AGBL4: variants seen among roughly 807,000 people sequenced by gnomAD.
AGBL4 encodes cytosolic carboxypeptidase 6.
In AGBL4, 58 loss-of-function variants were observed where a neutral mutation model predicts 66.4. The ratio of observed to expected loss-of-function variants is 0.87; its 90% CI spans 0.71 to 1.09. The LOEUF (loss-of-function observed/expected upper bound fraction) is 1.09. AGBL4 is among the 50% of genes least tolerant of loss of function. The pLI, the probability that AGBL4 is intolerant of heterozygous loss-of-function variation, is 0.00. For synonymous variants in AGBL4, 234 were observed against 222.9 expected (o/e 1.05, Z -0.44); for missense variants, 579 against 631.0 (o/e 0.92, Z 0.88).
intron 3 of AGBL4, among the ~76,000 whole-genome samples, chr1:49,372,747 T>C (rs985035716): frequency 3.3e-5 from 5 of 150,562 alleles, no homozygotes; most frequent in Non-Finnish European, 7.4e-5. Context: ...CTCTCTTCTC[T>C]CTCTCTCTCT....
chr1:48,791,560 C>T (rs1413144666), intron 6 of AGBL4, among the ~76,000 whole-genome samples: 1 of 152,180 alleles, frequency 6.6e-6, no homozygotes, highest in African/African-American at 2.4e-5. Context: ...AGAGACTTTA[C>T]TGAAACAGAG....
At chr1:49,711,487 G>C (rs1328858107) in intron 2 of AGBL4, among the ~76,000 whole-genome samples, 1 of 151,880 alleles carries the variant, frequency 6.6e-6, no homozygotes, top group East Asian at 1.9e-4. Flanking sequence ...CACAAAACAA[G>C]GTACATAATG....
At chr1:49,878,567 G>C (rs1647103309) in intron 1 of AGBL4, among the ~76,000 whole-genome samples, 1 of 152,056 alleles carries the variant, frequency 6.6e-6, no homozygotes, top group Admixed American at 6.5e-5. Flanking sequence ...GCTGAGGAGT[G>C]CTTTACCTCC....
At chr1:49,619,959 C>A (rs926039908) in intron 3 of AGBL4, among the ~76,000 whole-genome samples, 16 of 152,126 alleles carry the variant, frequency 1.1e-4, no homozygotes, top group Non-Finnish European at 1.8e-4. Context: ...ACATCTTATA[C>A]AAAAATTAAT....
chr1:49,938,162 A>T (rs1018110566), intron 1 of AGBL4, among the ~76,000 whole-genome samples: 2 of 151,642 alleles, frequency 1.3e-5, no homozygotes, highest in Non-Finnish European at 2.9e-5. Context: ...GATAAAGGGG[A>T]TATCACCACC....
intron 1 of AGBL4, among the ~76,000 whole-genome samples, chr1:49,868,259 T>A (rs1024152912): frequency 1.3e-5 from 2 of 152,058 alleles, no homozygotes; most frequent in Admixed American, 6.6e-5. Flanking sequence ...ATTCTTCACA[T>A]AATTAGAAAA....
At chr1:49,600,706 G>A (rs76526838) in intron 3 of AGBL4, among the ~76,000 whole-genome samples, 34 of 152,134 alleles carry the variant, frequency 2.2e-4, no homozygotes, top group Admixed American at 1.3e-4. Context: ...TCATAGTGTC[G>A]ATGGTCTTTA....
chr1:49,163,574 A>G (rs1018526514), intron 4 of AGBL4, among the ~76,000 whole-genome samples: 7 of 152,324 alleles, frequency 4.6e-5, no homozygotes, highest in Admixed American at 3.3e-4. Flanking sequence ...AAGGCTCCCC[A>G]GTTTTGTTCA....
intron 1 of AGBL4, among the ~76,000 whole-genome samples, chr1:49,856,864 G>A (rs926275426): frequency 7.2e-5 from 11 of 152,080 alleles, no homozygotes; most frequent in Admixed American, 1.3e-4. Flanking sequence ...CATGGTACTG[G>A]ATGTTCTAGC....
intron 3 of AGBL4, among the ~76,000 whole-genome samples, chr1:49,656,716 A>C (rs1426488447): frequency 6.6e-6 from 1 of 152,226 alleles, no homozygotes. Context: ...GCAAATCAAT[A>C]AACATAATCC....
intron 3 of AGBL4, among the ~76,000 whole-genome samples, chr1:49,354,518 C>T (rs573339244): frequency 1.7e-4 from 26 of 152,100 alleles, no homozygotes; most frequent in Non-Finnish European, 3.2e-4. Context: ...TCTCTTTCTT[C>T]TTCTTCTCTA....
At chr1:48,639,484 C>T (rs556326597) in intron 8 of AGBL4, among the ~76,000 whole-genome samples, 19 of 152,284 alleles carry the variant, frequency 1.2e-4, no homozygotes, top group African/African-American at 1.9e-4. Context: ...AGATCTCTTT[C>T]GGCTCTCTCA....
intron 3 of AGBL4, among the ~76,000 whole-genome samples, chr1:49,356,256 C>T: frequency 6.6e-6 from 1 of 152,160 alleles, no homozygotes; most frequent in Non-Finnish European, 1.5e-5. Flanking sequence ...CTTCCCCATT[C>T]ATCATGACTT....
intron 1 of AGBL4, among the ~76,000 whole-genome samples, chr1:49,997,721 C>G (rs1388783641): frequency 5.9e-5 from 9 of 152,234 alleles, no homozygotes; most frequent in African/African-American, 1.2e-4. Context: ...CAGATATTTA[C>G]AGAACATTCT....
chr1:48,749,006 C>T (rs1460939622), intron 6 of AGBL4, among the ~76,000 whole-genome samples: 1 of 152,040 alleles, frequency 6.6e-6, no homozygotes, highest in East Asian at 1.9e-4. Context: ...AACCACAGAG[C>T]AGCAGAGTTG....
At chr1:49,906,200 T>A (rs1325624058) in intron 1 of AGBL4, among the ~76,000 whole-genome samples, 3 of 151,526 alleles carry the variant, frequency 2.0e-5, no homozygotes, top group Non-Finnish European at 2.9e-5. Flanking sequence ...GAAAAAAGTT[T>A]TCTCCAAACT....
chr1:49,426,058 G>A (rs773681548), intron 3 of AGBL4, among the ~76,000 whole-genome samples: 18 of 152,284 alleles, frequency 1.2e-4, no homozygotes, highest in Non-Finnish European at 2.2e-4. Context: ...TCATATGAGA[G>A]TGTTAAGAGT....
intron 8 of AGBL4, among the ~76,000 whole-genome samples, chr1:48,642,307 C>T (rs7517510): frequency 0.1 from 15,396 of 152,084 alleles, 2,554 homozygotes; most frequent in African/African-American, 0.35. Context: ...GGGACAAGGG[C>T]GCTCAGATCA....
chr1:48,579,915 C>CAAA (rs35518235), intron 11 of AGBL4, among the ~76,000 whole-genome samples: 57 of 65,536 alleles, frequency 8.7e-4, no homozygotes, highest in African/African-American at 1.0e-3. Flanking sequence ...GACTCCGCCT[C>CAAA]AAAAAAAAAA....
Sources: gnomAD v4.1 joint callset for allele counts (sites outside exome capture counted in the v4.1 genomes callset) on GRCh38, gnomAD v4.1.1 for gene constraint, MANE v1.5 for transcripts, NCBI Gene and HGNC (gene_info 2026-07-23, HGNC 2026-07-21) for gene names.